ARID4B: variants seen among roughly 807,000 people sequenced by gnomAD.
ARID4B encodes AT-rich interaction domain 4B.
In ARID4B, 26 loss-of-function variants were observed where a neutral mutation model predicts 147.5. That is an observed-to-expected ratio of 0.18 (90% CI 0.13 to 0.24). ARID4B has a LOEUF of 0.24. ARID4B is among the 10% of genes least tolerant of loss of function. The probability of loss-of-function intolerance (pLI) is 1.00; values close to 1 mark genes in which losing one functional copy is unlikely to be tolerated. For missense variants in ARID4B, 1,179 were observed against 1,511.5 expected (o/e 0.78, Z 3.65); for synonymous variants, 512 against 507.9 (o/e 1.01, Z -0.11).
chr1:235,287,509 GAGAA>G (rs1474479641), intron 2 of ARID4B, among the ~76,000 whole-genome samples: 1 of 152,182 alleles, frequency 6.6e-6, no homozygotes, highest in Non-Finnish European at 1.5e-5. Flanking sequence ...GATGGTATAT[GAGAA>G]AGAATCTACT....
chr1:235,273,601 T>A (rs1244046261), intron 2 of ARID4B, among the ~76,000 whole-genome samples: 1 of 152,208 alleles, frequency 6.6e-6, no homozygotes, highest in Admixed American at 6.5e-5. Flanking sequence ...TTGTACCTGA[T>A]AAAATGTAGT....
intron 19 of ARID4B, among the ~76,000 whole-genome samples, chr1:235,187,729 C>T (rs1015781568): frequency 2.0e-5 from 3 of 152,036 alleles, no homozygotes; most frequent in African/African-American, 7.2e-5. Flanking sequence ...CATATGCATT[C>T]ATATGATGAT....
chr1:235,309,604 C>A (rs1446538657), intron 2 of ARID4B, among the ~76,000 whole-genome samples: 2 of 151,348 alleles, frequency 1.3e-5, no homozygotes, highest in Non-Finnish European at 3.0e-5. Context: ...TGAGGGGCGC[C>A]TCTGCCCGGC....
chr1:235,327,162 A>G, intron 1 of ARID4B, 194 bp from the exon 2 acceptor site: 1 of 506,618 alleles, frequency 2.0e-6, no homozygotes, highest in Non-Finnish European at 3.6e-6. Flanking sequence ...CCACCTACAC[A>G]GCTCGGCAGC....
At chr1:235,194,297 C>T (rs1665336809) in intron 18 of ARID4B, 86 bp from the exon 19 acceptor site, 2 of 973,294 alleles carry the variant, frequency 2.1e-6, no homozygotes, top group Admixed American at 2.6e-5. Context: ...CTCACTATTA[C>T]AGAATATGTT....
At chr1:235,241,785 G>A (rs920283320) in intron 7 of ARID4B, among the ~76,000 whole-genome samples, 4 of 151,518 alleles carry the variant, frequency 2.6e-5, no homozygotes, top group African/African-American at 9.7e-5. Flanking sequence ...CAAAGTGCTG[G>A]GATTATAGGC....
At chr1:235,301,935 C>G (rs1293467198) in intron 2 of ARID4B, among the ~76,000 whole-genome samples, 1 of 151,248 alleles carries the variant, frequency 6.6e-6, no homozygotes, top group Non-Finnish European at 1.5e-5. Flanking sequence ...TCAGGTGATC[C>G]GCCCACCTCG....
chr1:235,240,300 T>A lies in ARID4B; in HGVS notation c.585+13A>T, dbSNP rs1451448213. 1.2e-6 allele frequency: 2 copies of A among 1,603,200 alleles called. No individual in the cohort carries two copies. The highest frequency in any genetic ancestry group is 1.7e-6 in the Non-Finnish European group (2 of 1,175,636). ...AGTTTGAAATTAAACTCTTGTATAC[T>A]GAAGCTACTCACCAATGCAGGAAAC... On this transcript the variant is annotated intron_variant, in intron 8 of 23. Transcript: ENST00000264183.
At chr1:235,296,722 AGTGCTTAGGTT>A (rs1303658336) in intron 2 of ARID4B, among the ~76,000 whole-genome samples, 2 of 148,526 alleles carry the variant, frequency 1.3e-5, no homozygotes, top group African/African-American at 5.0e-5. Context: ...AGCCTCCCAG[AGTGCTTAGGTT>A]ACAGGAGTGA....
chr1:235,187,077 C>CT (rs11335836), intron 19 of ARID4B: 10,012 of 266,856 alleles, frequency 0.038, 71 homozygotes, highest in South Asian at 0.047. Flanking sequence ...GCATCTTATT[C>CT]TTTTTTTTTT....
intron 17 of ARID4B, among the ~76,000 whole-genome samples, chr1:235,196,853 C>CAAAAAAA (rs34581094): frequency 9.1e-5 from 8 of 88,100 alleles, no homozygotes; most frequent in South Asian, 3.5e-4. Flanking sequence ...CTCTGTTTCA[C>CAAAAAAA]AAAAAAAAAA....
At chr1:235,209,568 G>T (rs66578864) in intron 17 of ARID4B, among the ~76,000 whole-genome samples, 46,837 of 144,086 alleles carry the variant, frequency 0.33, 8,174 homozygotes, top group South Asian at 0.54. Context: ...TTTTTGTTTT[G>T]TTTTTTTTTT....
chr1:235,323,762 C>G (rs983548739), intron 2 of ARID4B, among the ~76,000 whole-genome samples: 5 of 150,012 alleles, frequency 3.3e-5, no homozygotes, highest in Non-Finnish European at 7.4e-5. Flanking sequence ...CCGGCCTGGG[C>G]AACAAGAGCA....
At chr1:235,296,124 G>T in intron 2 of ARID4B, 1 of 173,896 alleles carries the variant, frequency 5.8e-6, no homozygotes, top group South Asian at 1.5e-4. Context: ...CCTGACCACT[G>T]AGTCAGCCAT....
In ARID4B at chr1:235,234,891, T is replaced by C. The variant is rs562739378; in HGVS notation, c.586-399A>G. On this transcript the variant is annotated intron_variant, in intron 8 of 23. Coordinates refer to ENST00000264183, the MANE Select transcript of ARID4B (RefSeq NM_016374.6). ...TTGTAGGCCATATTAATTCTTAGGATAAAATCTAACATCTTTGTTGAAAGA... is the reference window on the plus strand; with the variant it reads ...TTGTAGGCCATATTAATTCTTAGGACAAAATCTAACATCTTTGTTGAAAGA... Among the ~76,000 whole-genome samples, 5 of 152,370 alleles carry C rather than the reference T, an allele frequency of 3.3e-5. No individual in the cohort carries two copies. In the East Asian group the frequency reaches 9.6e-4, roughly 29 times the overall value.
intron 2 of ARID4B, among the ~76,000 whole-genome samples, chr1:235,290,182 G>A (rs546554934): frequency 1.3e-5 from 2 of 152,192 alleles, no homozygotes; most frequent in South Asian, 2.1e-4. Context: ...TAACCTGAAC[G>A]GGAAACGATT....
At chr1:235,303,527 C>A (rs79938234) in intron 2 of ARID4B, among the ~76,000 whole-genome samples, 131 of 152,166 alleles carry the variant, frequency 8.6e-4, no homozygotes, top group African/African-American at 3.1e-3. Context: ...AGTTCGAGAC[C>A]AGCCTTGGCA....
At chr1:235,322,724 C>T (rs1674927029) in intron 2 of ARID4B, among the ~76,000 whole-genome samples, 1 of 152,120 alleles carries the variant, frequency 6.6e-6, no homozygotes, top group Admixed American at 6.5e-5. Flanking sequence ...GATGCCTCAC[C>T]CACCTTCATT....
intron 2 of ARID4B, among the ~76,000 whole-genome samples, chr1:235,318,211 C>G (rs557507300): frequency 9.2e-6 from 1 of 108,610 alleles, no homozygotes; most frequent in African/African-American, 3.7e-5. Flanking sequence ...GAGTCTTGAT[C>G]TGACACCTAG....
Sources: allele counts gnomAD v4.1 joint callset (sites outside exome capture counted in the v4.1 genomes callset), GRCh38; gene constraint gnomAD v4.1.1; transcripts MANE v1.5; gene names NCBI Gene and HGNC (gene_info 2026-07-23, HGNC 2026-07-21).